The following TAB2 variants were observed in gnomAD, a reference collection of about 807,000 sequenced individuals.
TAB2 encodes the protein TGF-beta activated kinase 1 (MAP3K7) binding protein 2.
Under a neutral mutation model 65.0 loss-of-function variants are expected in TAB2, and 3 were observed. The ratio of observed to expected loss-of-function variants is 0.05; its 90% confidence interval spans 0.02 to 0.12. The LOEUF is 0.12. TAB2 is among the 10% of genes least tolerant of loss of function. TAB2 has a pLI of 1.00. For synonymous variants in TAB2, 298 were observed against 285.1 expected (o/e 1.05, Z -0.46); for missense variants, 623 against 840.3 (o/e 0.74, Z 3.20).
chr6:149,243,661 GA>G (rs1777645047), intron 1 of TAB2: 1 of 152,214 alleles, frequency 6.6e-6, no homozygotes. Context: ...CACTTCCTCA[GA>G]ATAGATTCTT....
chr6:149,365,276 A>T (rs2114844440), intron 1 of TAB2, among the ~76,000 whole-genome samples: 1 of 152,302 alleles, frequency 6.6e-6, no homozygotes, highest in South Asian at 2.1e-4. Flanking sequence ...TTTGTTTTGA[A>T]ATTAAGTAAA....
At chr6:149,238,366 C>G (rs947155940) in intron 1 of TAB2, among the ~76,000 whole-genome samples, 1 of 152,266 alleles carries the variant, frequency 6.6e-6, no homozygotes, top group East Asian at 1.9e-4. Context: ...CTTTTCTTTA[C>G]CTGGGAGAGG....
intron 2 of TAB2, among the ~76,000 whole-genome samples, chr6:149,373,486 A>C (rs946647501): frequency 6.6e-6 from 1 of 151,878 alleles, no homozygotes; most frequent in African/African-American, 2.4e-5. Flanking sequence ...TGTTCACATT[A>C]TTCTCCTCCA....
At chr6:149,281,402 G>A (rs1583062841) in intron 1 of TAB2, among the ~76,000 whole-genome samples, 1 of 151,722 alleles carries the variant, frequency 6.6e-6, no homozygotes. Context: ...TCCAGCAAAG[G>A]AGACAAAAGG....
intron 6 of TAB2, 39 bp downstream of exon 6, chr6:149,399,223 A>G: frequency 6.3e-7 from 1 of 1,585,862 alleles, no homozygotes; most frequent in South Asian, 1.1e-5. Context: ...GTTACTTTTG[A>G]AAAGCAAAAT....
chr6:149,269,921 T>C (rs1173736567), intron 1 of TAB2, among the ~76,000 whole-genome samples: 2 of 152,252 alleles, frequency 1.3e-5, no homozygotes, highest in Non-Finnish European at 2.9e-5. Context: ...CAGATTTTTG[T>C]GTGGACATAG....
intron 1 of TAB2, among the ~76,000 whole-genome samples, chr6:149,283,339 A>G (rs1778610471): frequency 6.6e-6 from 1 of 152,250 alleles, no homozygotes; most frequent in South Asian, 2.1e-4. Flanking sequence ...ATGATATGAC[A>G]GGAAGTCAAT....
In TAB2 at chr6:149,339,622, A is replaced by G. The variant is rs1489719976; in HGVS notation, c.-90+21607A>G. 2.1e-4 allele frequency among the ~76,000 whole-genome samples: 24 copies of G among 115,302 alleles called. No homozygotes were observed. The Admixed American group carries it at 2.3e-3, about 11-fold the overall frequency. 75.6% of individuals were successfully genotyped at this position (115,302 alleles called of 152,430 possible). A position where few individuals can be genotyped will look rare whatever the true frequency, so the allele number is the denominator to read the frequency against. On this transcript the variant is annotated intron_variant, in intron 1 of 6. Coordinates refer to ENST00000637181, the MANE Select transcript of TAB2 (RefSeq NM_001292034.3). ...ATTTATTTATTTTTTTTTTTTTTTG[A>G]GACGGAGTCTCTGTTGCCCAGGCCA...
chr6:149,293,960 G>T (rs985103938), intron 1 of TAB2, among the ~76,000 whole-genome samples: 11 of 152,110 alleles, frequency 7.2e-5, no homozygotes, highest in Non-Finnish European at 1.5e-4. Flanking sequence ...CAGTAGCAAA[G>T]TTATTTTCCC....
At chr6:149,248,247 C>T (rs556377417) in intron 1 of TAB2, among the ~76,000 whole-genome samples, 121 of 152,020 alleles carry the variant, frequency 8.0e-4, no homozygotes, top group Non-Finnish European at 1.5e-3. Flanking sequence ...CAAAAATTAG[C>T]CGGGCGTGGT....
At chr6:149,377,045 A>G (rs1468801414) in intron 2 of TAB2, among the ~76,000 whole-genome samples, 1 of 150,374 alleles carries the variant, frequency 6.7e-6, no homozygotes, top group East Asian at 2.0e-4. Context: ...GAATTTCAGA[A>G]CTTTAAATGC....
intron 1 of TAB2, among the ~76,000 whole-genome samples, chr6:149,263,582 A>T (rs1393055344): frequency 6.6e-6 from 1 of 152,244 alleles, no homozygotes; most frequent in Non-Finnish European, 1.5e-5. Flanking sequence ...AGCAAACCAT[A>T]CAAGGTTGGT....
At chr6:149,408,545 G>A (rs1169710540) in intron 6 of TAB2, among the ~76,000 whole-genome samples, 4 of 152,110 alleles carry the variant, frequency 2.6e-5, no homozygotes, top group Non-Finnish European at 5.9e-5. Flanking sequence ...TATCAGTAGG[G>A]TAGGTGGAAT....
intron 1 of TAB2, among the ~76,000 whole-genome samples, chr6:149,297,137 C>A (rs1778890518): frequency 6.6e-6 from 1 of 151,984 alleles, no homozygotes; most frequent in Non-Finnish European, 1.5e-5. Context: ...ATCCCTTCCT[C>A]CTCCATTTGA....
intron 1 of TAB2, among the ~76,000 whole-genome samples, chr6:149,224,920 T>A (rs2114625431): frequency 6.6e-6 from 1 of 152,360 alleles, no homozygotes; most frequent in African/African-American, 2.4e-5. Flanking sequence ...CATATGCTGC[T>A]TTTTAGCCAT....
intron 1 of TAB2, among the ~76,000 whole-genome samples, chr6:149,275,541 G>A (rs1778455930): frequency 6.6e-6 from 1 of 152,208 alleles, no homozygotes; most frequent in African/African-American, 2.4e-5. Flanking sequence ...AATAATTTAT[G>A]TAGATTCTTC....
chr6:149,356,357 A>G (rs1338919788), intron 1 of TAB2, among the ~76,000 whole-genome samples: 1 of 152,248 alleles, frequency 6.6e-6, no homozygotes, highest in African/African-American at 2.4e-5. Flanking sequence ...AGCAACCATT[A>G]AACAAGGTTA....
At chr6:149,319,665 G>C (rs946784334) in intron 1 of TAB2, among the ~76,000 whole-genome samples, 15 of 152,204 alleles carry the variant, frequency 9.9e-5, no homozygotes, top group African/African-American at 3.4e-4. Flanking sequence ...TTCTAATAGA[G>C]GGTGCTTAAG....
Position 149,282,240 on chromosome 6 carries a change from G to A in TAB2, c.-121+63464G>A, listed in dbSNP as rs143107533. Among the ~76,000 whole-genome samples the A allele has an allele frequency of 2.4e-3, 368 of 152,128 alleles. 1 individual carries two copies. The highest frequency in any genetic ancestry group is 0.014 in the Middle Eastern group (4 of 294). ...ACATAACAATCCTAAATGTCTATGCGTCTATAACAAAGCTTCAAAACACAT... is the reference window on the plus strand; with the variant it reads ...ACATAACAATCCTAAATGTCTATGCATCTATAACAAAGCTTCAAAACACAT... On this transcript the variant is annotated intron_variant, in intron 1 of 1. Transcript: ENST00000606202.
Sources: allele counts gnomAD v4.1 joint callset (sites outside exome capture counted in the v4.1 genomes callset), GRCh38; gene constraint gnomAD v4.1.1; transcripts MANE v1.5; gene names NCBI Gene and HGNC (gene_info 2026-07-23, HGNC 2026-07-21).